KAZN: variants seen among roughly 807,000 people sequenced by gnomAD.
KAZN encodes the protein kazrin.
Under a neutral mutation model 87.4 loss-of-function variants are expected in KAZN, and 40 were observed. The observed-to-expected ratio is 0.46, with a 90% CI of 0.36 to 0.60. KAZN has a LOEUF of 0.60. Among genes scored for constraint, KAZN ranks in the 20% least tolerant of loss-of-function variants. KAZN has a pLI of 0.00. For synonymous variants in KAZN, 466 were observed against 458.3 expected, an observed-to-expected ratio of 1.02 and a Z score of -0.22; for missense variants, 898 against 1,073.9, an observed-to-expected ratio of 0.84 and a Z score of 2.29.
Position 15,017,310 on chromosome 1 carries a change from C to T in KAZN, c.419-17439C>T, listed in dbSNP as rs187223220. Among the ~76,000 whole-genome samples, 116 of 152,212 alleles carry T rather than the reference C, an allele frequency of 7.6e-4. 3 individuals are homozygous for T. The South Asian group carries it at 0.013, about 17-fold the overall frequency. On this transcript the variant is annotated intron_variant, in intron 2 of 14. Transcript: ENST00000376030. Reference sequence around the variant, plus strand: ...GAGATTCAGTCTCAAAAAAAAAGACCTTATCTGTCTTATTTACCCAGACTC... The same window carrying T: ...GAGATTCAGTCTCAAAAAAAAAGACTTTATCTGTCTTATTTACCCAGACTC...
chr1:14,119,053 CA>C (rs891746202), intron 1 of KAZN, among the ~76,000 whole-genome samples: 3 of 151,526 alleles, frequency 2.0e-5, no homozygotes, highest in African/African-American at 7.3e-5. Flanking sequence ...AAAACAAAAA[CA>C]AAAAAAACCC....
intron 1 of KAZN, among the ~76,000 whole-genome samples, chr1:14,652,734 A>AATCC (rs2148699731): frequency 7.7e-6 from 1 of 129,146 alleles, no homozygotes; most frequent in African/African-American, 2.9e-5. Flanking sequence ...CCCATCCGTT[A>AATCC]ATCCATCCAT....
chr1:14,933,524 G>T (rs115945667), intron 1 of KAZN, among the ~76,000 whole-genome samples: 1 of 149,836 alleles, frequency 6.7e-6, no homozygotes, highest in South Asian at 2.1e-4. Flanking sequence ...CTTTAAACAG[G>T]GCTCCCTCAC....
chr1:14,175,617 A>G (rs1337992868), intron 1 of KAZN, among the ~76,000 whole-genome samples: 2 of 152,212 alleles, frequency 1.3e-5, no homozygotes, highest in Non-Finnish European at 2.9e-5. Context: ...CGCAAAAGAA[A>G]GAAACAAGTT....
intron 1 of KAZN, among the ~76,000 whole-genome samples, chr1:14,656,738 T>G (rs1215526916): frequency 6.6e-6 from 1 of 152,144 alleles, no homozygotes; most frequent in East Asian, 1.9e-4. Flanking sequence ...CCAGATCTCG[T>G]GAGAGCTCAC....
intron 1 of KAZN, among the ~76,000 whole-genome samples, chr1:14,012,898 T>A (rs4662071): frequency 6.6e-6 from 1 of 152,152 alleles, no homozygotes; most frequent in Non-Finnish European, 1.5e-5. Flanking sequence ...TTATTTCATT[T>A]TATTTCTCCT....
chr1:15,076,263 T>A (rs1198400569), intron 8 of KAZN, among the ~76,000 whole-genome samples: 1 of 152,128 alleles, frequency 6.6e-6, no homozygotes, highest in African/African-American at 2.4e-5. Flanking sequence ...GTGAGCCAAT[T>A]CCAAATTCCT....
At chr1:14,823,192 C>T (rs1646786167) in intron 1 of KAZN, among the ~76,000 whole-genome samples, 3 of 152,172 alleles carry the variant, frequency 2.0e-5, no homozygotes, top group South Asian at 4.1e-4. Flanking sequence ...GCTCTGAATC[C>T]GGATTCCTAA....
chr1:14,638,468 C>T (rs1415153423), intron 1 of KAZN, among the ~76,000 whole-genome samples: 1 of 151,130 alleles, frequency 6.6e-6, no homozygotes, highest in Non-Finnish European at 1.5e-5. Flanking sequence ...ACTCGGGAGG[C>T]TGAGGTAGGA....
intron 2 of KAZN, among the ~76,000 whole-genome samples, chr1:14,294,301 T>C (rs1452033703): frequency 1.3e-5 from 2 of 152,150 alleles, no homozygotes; most frequent in African/African-American, 4.8e-5. Flanking sequence ...AGACCTGCTT[T>C]TCCCTACTCA....
intron 6 of KAZN, chr1:15,061,705 A>G (rs1481930459): frequency 6.6e-6 from 1 of 152,164 alleles, no homozygotes. Flanking sequence ...TTTTTAGTAG[A>G]GATGAGATTT....
intron 2 of KAZN, among the ~76,000 whole-genome samples, chr1:14,577,388 C>G (rs1162407473): frequency 3.9e-5 from 6 of 152,134 alleles, no homozygotes; most frequent in Non-Finnish European, 8.8e-5. Context: ...TTTAATAAAT[C>G]TGAGCATAAA....
At chr1:14,703,161 G>A (rs1642022528) in intron 1 of KAZN, among the ~76,000 whole-genome samples, 1 of 152,162 alleles carries the variant, frequency 6.6e-6, no homozygotes, top group African/African-American at 2.4e-5. Flanking sequence ...AAAACTACAG[G>A]TTCCTTACAC....
chr1:14,224,529 T>A (rs575293212), intron 2 of KAZN, among the ~76,000 whole-genome samples: 3 of 152,324 alleles, frequency 2.0e-5, no homozygotes, highest in African/African-American at 7.2e-5. Flanking sequence ...CAGTTTTGCT[T>A]AATCTCTTTG....
intron 1 of KAZN, among the ~76,000 whole-genome samples, chr1:13,925,563 T>C (rs1218917508): frequency 9.2e-5 from 14 of 152,044 alleles, no homozygotes; most frequent in African/African-American, 4.8e-5. Flanking sequence ...CGGTAGGCAA[T>C]GAATGAGGAG....
At chr1:14,533,904 G>A (rs1273760951) in intron 2 of KAZN, among the ~76,000 whole-genome samples, 1 of 152,064 alleles carries the variant, frequency 6.6e-6, no homozygotes, top group Non-Finnish European at 1.5e-5. Flanking sequence ...GGAATCTGAG[G>A]GATTATTATC....
At chr1:14,345,129 G>C (rs1658017543) in intron 2 of KAZN, among the ~76,000 whole-genome samples, 1 of 151,996 alleles carries the variant, frequency 6.6e-6, no homozygotes, top group Admixed American at 6.6e-5. Flanking sequence ...TGTTGGCCAG[G>C]CTAGTTTCAA....
intron 2 of KAZN, among the ~76,000 whole-genome samples, chr1:14,338,426 G>C: frequency 6.7e-6 from 1 of 149,560 alleles, no homozygotes; most frequent in East Asian, 2.0e-4. Context: ...CAGAGGTTGT[G>C]ATTAGCTCAG....
At chr1:14,083,454 G>A (rs919722772) in intron 1 of KAZN, among the ~76,000 whole-genome samples, 1 of 152,184 alleles carries the variant, frequency 6.6e-6, no homozygotes, top group Non-Finnish European at 1.5e-5. Context: ...GTTGTCTCAT[G>A]TCTCATCTGA....
Sources: gnomAD v4.1 joint callset for allele counts (sites outside exome capture counted in the v4.1 genomes callset) on GRCh38, gnomAD v4.1.1 for gene constraint, MANE v1.5 for transcripts, NCBI Gene and HGNC (gene_info 2026-07-23, HGNC 2026-07-21) for gene names.